The following PCSK5 variants were observed in gnomAD, a reference collection of about 807,000 sequenced individuals.
PCSK5 encodes the protein proprotein convertase subtilisin/kexin type 5.
In PCSK5, 129 loss-of-function variants were observed where a neutral mutation model predicts 233.2. That is an observed-to-expected ratio of 0.55 (90% confidence interval 0.48 to 0.64). The LOEUF is 0.64. Ranked by LOEUF, PCSK5 falls within the 30% of genes least tolerant of loss-of-function variation. The pLI is 0.00. For synonymous variants in PCSK5, 825 were observed against 879.2 expected (o/e 0.94, Z 1.09); for missense variants, 2,076 against 2,430.1 (o/e 0.85, Z 3.06).
chr9:76,021,483 G>A (rs1279279992), intron 3 of PCSK5, among the ~76,000 whole-genome samples: 1 of 152,102 alleles, frequency 6.6e-6, no homozygotes, highest in Non-Finnish European at 1.5e-5. Context: ...ACGAGGGAGA[G>A]AGAATTCGGG....
At chr9:75,908,864 T>C (rs1822531150) in intron 1 of PCSK5, among the ~76,000 whole-genome samples, 1 of 149,200 alleles carries the variant, frequency 6.7e-6, no homozygotes, top group Admixed American at 6.7e-5. Context: ...CATGCATCCT[T>C]CTCTTTCTAT....
At chr9:76,289,498 C>CAT (rs1554717452) in intron 24 of PCSK5, among the ~76,000 whole-genome samples, 1,730 of 131,634 alleles carry the variant, frequency 0.013, 20 homozygotes, top group Non-Finnish European at 0.016. Flanking sequence ...CACACACACA[C>CAT]ACACACACAC....
chr9:76,031,935 G>C lies in PCSK5; in HGVS notation c.632+4898G>C, dbSNP rs941756386. On this transcript the variant is annotated intron_variant, in intron 5 of 37. Coordinates refer to ENST00000674117, the MANE Select transcript of PCSK5 (RefSeq NM_001372043.1). ...ATTTCCGGAGTTAGAAGTTGAGATA[G>C]GTTTGTCTGCGTCCTTGGGGGACTT... 2.0e-5 allele frequency among the ~76,000 whole-genome samples: 3 copies of C among 152,264 alleles called. No individual in the cohort carries two copies. In the East Asian group the frequency reaches 5.8e-4, roughly 29 times the overall value.
intron 2 of PCSK5, among the ~76,000 whole-genome samples, chr9:75,962,921 G>A (rs1372116715): frequency 6.6e-6 from 1 of 152,144 alleles, no homozygotes; most frequent in Non-Finnish European, 1.5e-5. Context: ...CATGGGTTCT[G>A]GAGTCAGATC....
chr9:76,097,242 A>ATTT (rs1831562080), intron 8 of PCSK5, among the ~76,000 whole-genome samples: 2 of 56,754 alleles, frequency 3.5e-5, no homozygotes, highest in African/African-American at 1.5e-4. Flanking sequence ...CAAAAAGTGC[A>ATTT]TTTCTTTTTT....
rs1263040050 is a variant in PCSK5 at position 76,362,430 on chromosome 9, A to G, written c.*3508A>G. ...TTTTCCAAGTAAGAGATACACAACA[A>G]GAGTGCTATTTTTTCTTCTTTTTAT... On this transcript the variant is annotated 3_prime_UTR_variant, in exon 38 of 38. Coordinates refer to ENST00000674117, the MANE Select transcript of PCSK5 (RefSeq NM_001372043.1). 4 of 152,216 alleles carry G rather than the reference A, an allele frequency of 2.6e-5. No individual in the cohort carries two copies. The highest frequency in any genetic ancestry group is 2.0e-4 in the Admixed American group (3 of 15,280). The allele number at this position is 152,216 out of a possible 1,614,324, so 9.4% of individuals were successfully genotyped here. A position where few individuals can be genotyped will look rare whatever the true frequency, so the allele number is the denominator to read the frequency against.
intron 7 of PCSK5, among the ~76,000 whole-genome samples, chr9:76,094,806 C>T (rs1050018032): frequency 1.3e-5 from 2 of 152,084 alleles, no homozygotes; most frequent in African/African-American, 4.8e-5. Context: ...GATAGAGTTT[C>T]CCCATGTTGG....
chr9:76,219,022 C>T (rs921766599), intron 20 of PCSK5, among the ~76,000 whole-genome samples: 2 of 152,168 alleles, frequency 1.3e-5, no homozygotes, highest in African/African-American at 2.4e-5. Context: ...GGCAAACCTG[C>T]GGATCTCTTA....
chr9:76,097,504 A>C (rs1831586938), intron 8 of PCSK5, among the ~76,000 whole-genome samples: 1 of 152,180 alleles, frequency 6.6e-6, no homozygotes, highest in African/African-American at 2.4e-5. Flanking sequence ...AGAAGCACAG[A>C]AGCTGTATGG....
At chr9:76,283,997 T>G (rs1475317548) in intron 24 of PCSK5, among the ~76,000 whole-genome samples, 1 of 152,178 alleles carries the variant, frequency 6.6e-6, no homozygotes, top group Non-Finnish European at 1.5e-5. Flanking sequence ...GGAACCAAAC[T>G]CAACATGTTT....
chr9:76,147,406 G>T (rs1033027332), intron 10 of PCSK5, among the ~76,000 whole-genome samples: 1 of 152,196 alleles, frequency 6.6e-6, no homozygotes, highest in Non-Finnish European at 1.5e-5. Flanking sequence ...TGCCTATAGA[G>T]TCTCAGGACC....
At chr9:76,217,114 C>G (rs1444923352) in intron 20 of PCSK5, among the ~76,000 whole-genome samples, 1 of 152,184 alleles carries the variant, frequency 6.6e-6, no homozygotes, top group African/African-American at 2.4e-5. Context: ...TGAGCCACCA[C>G]CATTACTATT....
chr9:75,985,138 A>G (rs1225555165), intron 2 of PCSK5, among the ~76,000 whole-genome samples: 1 of 152,202 alleles, frequency 6.6e-6, no homozygotes, highest in Non-Finnish European at 1.5e-5. Context: ...TTAGGCACAA[A>G]TTGAAGAATG....
At chr9:76,297,903 G>T (rs1409807406) in intron 27 of PCSK5, among the ~76,000 whole-genome samples, 1 of 152,140 alleles carries the variant, frequency 6.6e-6, no homozygotes, top group Non-Finnish European at 1.5e-5. Flanking sequence ...TCAAGGAAGA[G>T]CAGCTCAGAG....
Position 76,143,612 on chromosome 9 carries a change from T to C in PCSK5, c.1312+9400T>C, listed in dbSNP as rs373156136. On this transcript the variant is annotated intron_variant, in intron 10 of 37. Coordinates refer to ENST00000674117, the MANE Select transcript of PCSK5 (RefSeq NM_001372043.1). Reference sequence around the variant, plus strand: ...TTTGTATTATCTTAGTATGCAATTATGTATTTGTGACCTTAAGACTGAGAC... The same window carrying C: ...TTTGTATTATCTTAGTATGCAATTACGTATTTGTGACCTTAAGACTGAGAC... Among the ~76,000 whole-genome samples the C allele has an allele frequency of 3.9e-5, 6 of 152,314 alleles. No homozygotes were observed. The East Asian group carries it at 9.7e-4, about 25-fold the overall frequency.
chr9:76,068,634 T>G (rs560358913), intron 6 of PCSK5, among the ~76,000 whole-genome samples: 29 of 152,330 alleles, frequency 1.9e-4, no homozygotes, highest in African/African-American at 6.7e-4. Context: ...ATACACTTAC[T>G]ATAAGGACCC....
chr9:76,183,180 C>CT (rs768353699), intron 16 of PCSK5, among the ~76,000 whole-genome samples: 6 of 152,170 alleles, frequency 3.9e-5, no homozygotes, highest in Non-Finnish European at 5.9e-5. Flanking sequence ...AAATTTGATT[C>CT]TGGAATGTTG....
chr9:76,064,497 G>A (rs558869504), intron 5 of PCSK5, among the ~76,000 whole-genome samples: 1,978 of 143,642 alleles, frequency 0.014, 78 homozygotes, highest in African/African-American at 0.049. Flanking sequence ...GCGGCTGGCC[G>A]GGCGGGGGGC....
At chr9:75,954,149 C>T (rs1483269750) in intron 2 of PCSK5, among the ~76,000 whole-genome samples, 2 of 152,202 alleles carry the variant, frequency 1.3e-5, no homozygotes, top group African/African-American at 4.8e-5. Flanking sequence ...ATTTTGTAAA[C>T]ATGCTGGACA....
Sources: gnomAD v4.1 joint callset for allele counts (sites outside exome capture counted in the v4.1 genomes callset) on GRCh38, gnomAD v4.1.1 for gene constraint, MANE v1.5 for transcripts, NCBI Gene and HGNC (gene_info 2026-07-23, HGNC 2026-07-21) for gene names.